Variants in ATP9B observed in about 807,000 individuals in gnomAD.
The protein encoded by ATP9B is ATPase phospholipid transporting 9B, also known as probable phospholipid-transporting ATPase IIB.
Under a neutral mutation model 146.1 loss-of-function variants are expected in ATP9B, and 110 were observed. The ratio of observed to expected loss-of-function variants is 0.75; its 90% CI spans 0.65 to 0.88. The LOEUF is 0.88. ATP9B is among the 40% of genes least tolerant of loss of function. The pLI, the probability that ATP9B is intolerant of heterozygous loss-of-function variation, is 0.00. For synonymous variants in ATP9B, 604 were observed against 569.7 expected, an observed-to-expected ratio of 1.06 and a Z score of -0.86; for missense variants, 1,499 against 1,496.4, an observed-to-expected ratio of 1.00 and a Z score of -0.03.
intron 13 of ATP9B, among the ~76,000 whole-genome samples, chr18:79,293,048 C>T (rs948127825): frequency 6.6e-6 from 1 of 151,642 alleles, no homozygotes; most frequent in Non-Finnish European, 1.5e-5. Flanking sequence ...TAAATCCAAA[C>T]ACTTACGGTC....
intron 25 of ATP9B, among the ~76,000 whole-genome samples, chr18:79,351,957 G>C (rs1337518730): frequency 6.6e-6 from 1 of 152,106 alleles, no homozygotes; most frequent in East Asian, 1.9e-4. Context: ...CCCCGAGAAA[G>C]AGAGCTCCTA....
At position 79,083,013 on chromosome 18, in the gene ATP9B, C is replaced by T. The variant is rs142047569; in HGVS notation, c.120-13463C>T. 3.4e-3 allele frequency among the ~76,000 whole-genome samples: 511 copies of T among 152,328 alleles called. 1 individual carries two copies. Among genetic ancestry groups the T allele is most frequent in the South Asian group, 5.2e-3 (25 of 4,822 alleles). On this transcript the variant is annotated intron_variant, in intron 1 of 29. Transcript: ENST00000426216. ...GCTGAGGCTGTGCCCACAACCTACC[C>T]TTCCCCCAGGTGCTCTGTCACAGGA...
chr18:79,206,623 CATAAATAAATAA>C (rs71161762), intron 9 of ATP9B, among the ~76,000 whole-genome samples: 1,741 of 147,082 alleles, frequency 0.012, 17 homozygotes, highest in Non-Finnish European at 0.018. Context: ...AATAACACCT[CATAAATAAATAA>C]ATAAATAAAT....
chr18:79,094,436 G>T (rs192696376), intron 1 of ATP9B, among the ~76,000 whole-genome samples: 4 of 152,212 alleles, frequency 2.6e-5, no homozygotes, highest in African/African-American at 9.6e-5. Flanking sequence ...TGTTGTGAAG[G>T]TCCACCTGAC....
chr18:79,254,084 A>G (rs920806597), intron 12 of ATP9B: 1 of 152,236 alleles, frequency 6.6e-6, no homozygotes, highest in African/African-American at 2.4e-5. Context: ...CCATATAAAC[A>G]TAAATCCATT....
rs188486791 is a variant in ATP9B at position 79,208,240 on chromosome 18, A to G, written c.1030+1228A>G. On this transcript the variant is annotated intron_variant, in intron 10 of 29. Transcript: ENST00000426216. ...AGCCTGGGCGACAGAGCGAGATGCC[A>G]TCTCAAAAAAAGAAAAATGAAGTTT... is the stretch of plus-strand genomic sequence containing the variant. 2.4e-4 allele frequency among the ~76,000 whole-genome samples: 36 copies of G among 152,314 alleles called. No individual in the cohort carries two copies. In the East Asian group the frequency reaches 6.8e-3, roughly 29 times the overall value.
Position 79,177,981 on chromosome 18 carries a change from G to T in ATP9B, c.873+1074G>T, listed in dbSNP as rs562747283. Among the ~76,000 whole-genome samples the T allele has an allele frequency of 2.6e-5, 4 of 152,332 alleles. No individual in the cohort carries two copies. In the South Asian group the frequency reaches 8.3e-4, roughly 32 times the overall value. ...AACTTAACATTTTTCCGTGGTCAGT[G>T]AATGAAGGAAGGTAGGTTCTACTGG... On this transcript the variant is annotated intron_variant, in intron 8 of 29. Transcript: ENST00000426216.
intron 29 of ATP9B, among the ~76,000 whole-genome samples, chr18:79,376,960 A>G (rs1193346404): frequency 6.6e-6 from 1 of 152,124 alleles, no homozygotes; most frequent in Non-Finnish European, 1.5e-5. Flanking sequence ...TGGCCTCCCA[A>G]AAGTGCTGGG....
intron 9 of ATP9B, among the ~76,000 whole-genome samples, chr18:79,203,718 A>G (rs75209392): frequency 0.017 from 2,650 of 152,364 alleles, 29 homozygotes; most frequent in South Asian, 0.037. Context: ...TAGGGAATTC[A>G]GTATTTGGCT....
intron 8 of ATP9B, among the ~76,000 whole-genome samples, chr18:79,189,722 C>A (rs930905595): frequency 6.6e-6 from 1 of 152,258 alleles, no homozygotes; most frequent in Admixed American, 6.5e-5. Flanking sequence ...GGTGAACTGT[C>A]TGTCTGAAAT....
chr18:79,209,568 A>G lies in ATP9B; in HGVS notation c.1030+2556A>G, dbSNP rs61259277. 1.4e-3 allele frequency: 1,035 copies of G among 755,170 alleles called. 15 individuals are homozygous for G. The African/African-American group carries it at 0.017, about 12-fold the overall frequency. The allele number at this position is 755,170 out of a possible 1,614,324, so 46.8% of individuals were successfully genotyped here. ...CTCAGTTCTCTTGATGACCTTGGCA[A>G]GTGGGCCCGACTAGTTGGACACTAA... On this transcript the variant is annotated intron_variant, in intron 10 of 29. Transcript: ENST00000426216.
chr18:79,315,443 T>C (rs1237081257), intron 15 of ATP9B, among the ~76,000 whole-genome samples: 2 of 152,250 alleles, frequency 1.3e-5, no homozygotes, highest in African/African-American at 4.8e-5. Flanking sequence ...TTGCATCTTA[T>C]GTTAATAATT....
At chr18:79,319,191 C>G (rs977311216) in intron 15 of ATP9B, among the ~76,000 whole-genome samples, 6 of 152,180 alleles carry the variant, frequency 3.9e-5, no homozygotes, top group Non-Finnish European at 2.9e-5. Context: ...AGACCCATGT[C>G]AGACACTAAA....
chr18:79,074,313 A>G (rs909670454), intron 1 of ATP9B, among the ~76,000 whole-genome samples: 6 of 152,174 alleles, frequency 3.9e-5, no homozygotes, highest in East Asian at 1.9e-4. Context: ...TATCCCATCC[A>G]TATGGACCCA....
intron 6 of ATP9B, 62 bp from the exon 7 acceptor site, chr18:79,154,442 G>T: frequency 8.7e-7 from 1 of 1,152,840 alleles, no homozygotes; most frequent in South Asian, 1.7e-5. Context: ...TATTTGGAAT[G>T]GAATTGTGTT....
At chr18:79,207,660 A>G (rs2095547043) in intron 10 of ATP9B, among the ~76,000 whole-genome samples, 1 of 151,778 alleles carries the variant, frequency 6.6e-6, no homozygotes, top group Non-Finnish European at 1.5e-5. Context: ...GAGTGCCCGA[A>G]AGGTGATGGC....
intron 12 of ATP9B, among the ~76,000 whole-genome samples, chr18:79,267,304 T>C (rs952907436): frequency 6.6e-6 from 1 of 151,840 alleles, no homozygotes; most frequent in African/African-American, 2.4e-5. Flanking sequence ...TTTTGCTTTC[T>C]TTTTTTTCCT....
chr18:79,320,497 G>A lies in ATP9B; in HGVS notation c.1774-8644G>A, dbSNP rs144941169. Among the ~76,000 whole-genome samples the A allele has an allele frequency of 6.5e-3, 993 of 152,304 alleles. 5 individuals are homozygous for A. The highest frequency in any genetic ancestry group is 0.022 in the African/African-American group (928 of 41,538). Reference sequence around the variant, plus strand: ...TGAGAGGCCCAGGGCCAGGCCAGGGGGACAGTCAGAGAATGGGTCTCTAAC... The same window carrying A: ...TGAGAGGCCCAGGGCCAGGCCAGGGAGACAGTCAGAGAATGGGTCTCTAAC... On this transcript the variant is annotated intron_variant, in intron 15 of 29. Coordinates refer to ENST00000426216, the MANE Select transcript of ATP9B (RefSeq NM_198531.5).
At chr18:79,133,183 T>C (rs2094402653) in intron 5 of ATP9B, among the ~76,000 whole-genome samples, 1 of 152,174 alleles carries the variant, frequency 6.6e-6, no homozygotes, top group African/African-American at 2.4e-5. Flanking sequence ...TGAGCCACCA[T>C]GCCCAGCCTT....
Sources: allele counts gnomAD v4.1 joint callset (sites outside exome capture counted in the v4.1 genomes callset), GRCh38; gene constraint gnomAD v4.1.1; transcripts MANE v1.5; gene names NCBI Gene and HGNC (gene_info 2026-07-23, HGNC 2026-07-21).